The following CCDC180 variants were observed in gnomAD, a reference collection of about 807,000 sequenced individuals.
CCDC180 encodes the protein coiled-coil domain containing 180.
CCDC180 carries 154 observed loss-of-function variants against 209.2 expected under a neutral mutation model. The ratio of observed to expected loss-of-function variants is 0.74; its 90% CI spans 0.65 to 0.84. The LOEUF (loss-of-function observed/expected upper bound fraction) is 0.84. CCDC180 is among the 40% of genes least tolerant of loss of function. CCDC180 has a pLI of 0.00. For missense variants in CCDC180, 1,874 were observed against 1,997.3 expected (o/e 0.94, Z 1.18); for synonymous variants, 778 against 749.1 (o/e 1.04, Z -0.63).
In CCDC180 at chr9:97,371,687, T is replaced by A. The variant is rs777944016; in HGVS notation, c.4581T>A (p.Ile1527=). The part of the protein sequence containing the change: ...FLLQLDEVVT[I]DDVQVARMEP... ...TGCAGTTGGATGAGGTGGTCACCATTGACGATGTCCAGGTTGCAAGTAAGA... is the reference window on the plus strand; with the variant it reads ...TGCAGTTGGATGAGGTGGTCACCATAGACGATGTCCAGGTTGCAAGTAAGA... The change falls in exon 34 of 37, where the codon ATT becomes ATA. Residue 1527 remains isoleucine, a synonymous_variant. Coordinates refer to ENST00000529487, the MANE Select transcript of CCDC180 (RefSeq NM_020893.6). 4.4e-6 allele frequency: 7 copies of A among 1,599,444 alleles called. No individual in the cohort carries two copies. The Admixed American group carries it at 1.2e-4, about 27-fold the overall frequency.
chr9:97,320,258 G>T, intron 11 of CCDC180, 53 bp downstream of exon 11: 1 of 1,525,040 alleles, frequency 6.6e-7, no homozygotes, highest in South Asian at 1.1e-5. Context: ...TGTTTAAGCA[G>T]TTGCTTTGCT....
intron 28 of CCDC180, among the ~76,000 whole-genome samples, chr9:97,362,946 G>C (rs138336856): frequency 6.6e-6 from 1 of 152,194 alleles, no homozygotes; most frequent in Non-Finnish European, 1.5e-5. Context: ...TTGAGCATGC[G>C]TGCTGTGTGC....
At chr9:97,316,997 A>G (rs1833194419) in intron 8 of CCDC180, 68 bp from the exon 9 acceptor site, 3 of 1,454,936 alleles carry the variant, frequency 2.1e-6, no homozygotes, top group African/African-American at 2.8e-5. Flanking sequence ...GCTCCTCTCT[A>G]ACTGAGCCTT....
In CCDC180 at chr9:97,360,006, A is replaced by C. The variant is rs2117859279; in HGVS notation, c.3388A>C (p.Ser1130Arg). ...KTTVTTEELL[S>R]FVQTWKEKLS... Reference sequence around the variant, plus strand: ...GACAGTGACCACAGAAGAACTCCTCAGCTTCGTCCAAACTTGGAAGGAAAA... The same window carrying C: ...GACAGTGACCACAGAAGAACTCCTCCGCTTCGTCCAAACTTGGAAGGAAAA... Residue 1130 changes from serine (S) to arginine (R), a missense_variant, in exon 26 of 37, where the codon AGC becomes CGC. Physicochemically the swap from Ser to Arg is moderately radical, Grantham distance 110. Transcript: ENST00000529487. 6.2e-7 allele frequency: 1 copy of C among 1,613,990 alleles called. No individual in the cohort carries two copies. Among genetic ancestry groups the C allele is most frequent in the Non-Finnish European group, 8.5e-7 (1 of 1,179,930 alleles).
intron 25 of CCDC180, among the ~76,000 whole-genome samples, chr9:97,359,378 C>T (rs1204217980): frequency 1.3e-5 from 2 of 152,160 alleles, no homozygotes; most frequent in African/African-American, 2.4e-5. Flanking sequence ...CATGGGTGTG[C>T]GGGCATTCCT....
At chr9:97,335,998 AT>A (rs1221226787) in intron 18 of CCDC180, among the ~76,000 whole-genome samples, 4 of 152,156 alleles carry the variant, frequency 2.6e-5, no homozygotes, top group African/African-American at 9.7e-5. Context: ...GTCTGTTCAT[AT>A]CCTTTGCCCA....
At chr9:97,319,276 A>G (rs1033489445) in intron 10 of CCDC180, among the ~76,000 whole-genome samples, 4 of 152,240 alleles carry the variant, frequency 2.6e-5, no homozygotes, top group Non-Finnish European at 2.9e-5. Context: ...CACATCCTGC[A>G]CATGTACCCT....
In CCDC180 at chr9:97,366,373, C is replaced by T. The variant is rs139193987; in HGVS notation, c.4048-186C>T. Among the ~76,000 whole-genome samples the T allele has an allele frequency of 5.0e-3, 759 of 152,294 alleles. 4 individuals are homozygous for T. The highest frequency in any genetic ancestry group is 0.017 in the African/African-American group (719 of 41,556). ...GGGCTGGCCATGGCTCCACTCACTC[C>T]AGGTGGGCCCAGGGAGGCGACACGG... On this transcript the variant is annotated intron_variant, in intron 30 of 36. Transcript: ENST00000529487. This position sits in a 1 kb window ranked among gnomAD's most constrained non-coding sequence, Gnocchi z 4.3.
chr9:97,333,980 C>T (rs532884993), intron 18 of CCDC180, among the ~76,000 whole-genome samples: 1 of 151,746 alleles, frequency 6.6e-6, no homozygotes, highest in African/African-American at 2.4e-5. Context: ...ACTACCACAC[C>T]CGGCTAATTT....
At chr9:97,307,615 C>T, upstream of CCDC180, 1 of 902,602 alleles carries the variant, frequency 1.1e-6, no homozygotes, top group East Asian at 2.4e-5. Context: ...GTCCCGGATG[C>T]GAATTCTGCG....
intron 35 of CCDC180, among the ~76,000 whole-genome samples, 192 bp from the exon 36 acceptor site, chr9:97,375,262 C>T (rs1339938542): frequency 6.6e-6 from 1 of 152,160 alleles, no homozygotes; most frequent in Non-Finnish European, 1.5e-5. Flanking sequence ...AGCAATGAGA[C>T]CAGTGGGGGC....
chr9:97,332,406 A>C (rs1447770232), intron 18 of CCDC180, among the ~76,000 whole-genome samples: 2 of 152,156 alleles, frequency 1.3e-5, no homozygotes, highest in African/African-American at 4.8e-5. Flanking sequence ...TTCTGTGAAG[A>C]ATGTCATTAG....
chr9:97,323,182 C>T (rs1467866711), intron 12 of CCDC180, among the ~76,000 whole-genome samples: 1 of 152,162 alleles, frequency 6.6e-6, no homozygotes, highest in Non-Finnish European at 1.5e-5. Flanking sequence ...CTATCCCTGC[C>T]ATCTCTCAGG....
rs1463174568 is a variant in CCDC180 at position 97,314,700 on chromosome 9, A to T, written c.671A>T (p.His224Leu). ...ATTAAGGAGCTGGATGAGGCCCTGC[A>T]CTCGCTGGAGTTCTCCCGAACCGAT... The part of the protein sequence containing the change: ...QEIKELDEAL[H>L]SLEFSRTDKL... Residue 224 changes from histidine (H) to leucine (L), a missense_variant, in exon 7 of 37, where the codon CAC (histidine) becomes CTC (leucine). Coordinates refer to ENST00000529487, the MANE Select transcript of CCDC180 (RefSeq NM_020893.6). 1 of 1,613,948 alleles carries T rather than the reference A, an allele frequency of 6.2e-7. No individual in the cohort carries two copies. The highest frequency in any genetic ancestry group is 1.7e-5 in the Admixed American group (1 of 60,004).
At chr9:97,333,503 G>GT (rs373215367) in intron 18 of CCDC180, among the ~76,000 whole-genome samples, 1,268 of 72,786 alleles carry the variant, frequency 0.017, 52 homozygotes, top group Non-Finnish European at 0.021. Flanking sequence ...CTGGGTTTGG[G>GT]TTTTTTTTTT....
intron 29 of CCDC180, 35 bp from the exon 30 acceptor site, chr9:97,365,638 A>G: frequency 6.3e-7 from 1 of 1,593,026 alleles, no homozygotes. Context: ...TGTCTAGACC[A>G]GGCCCCTCAG....
chr9:97,329,122 A>G (rs1195592199), intron 16 of CCDC180, among the ~76,000 whole-genome samples: 1 of 152,170 alleles, frequency 6.6e-6, no homozygotes, highest in East Asian at 1.9e-4. Flanking sequence ...CTCCTCCCAG[A>G]AGAGATTCCT....
At chr9:97,351,913 G>C (rs1826431579) in intron 22 of CCDC180, among the ~76,000 whole-genome samples, 1 of 152,184 alleles carries the variant, frequency 6.6e-6, no homozygotes, top group South Asian at 2.1e-4. Context: ...AGGAGTTCGA[G>C]AGTAGCCTTG....
intron 25 of CCDC180, 133 bp from the exon 26 acceptor site, chr9:97,359,849 G>T: frequency 2.5e-6 from 3 of 1,178,506 alleles, no homozygotes; most frequent in Non-Finnish European, 2.4e-6. Context: ...GGCCTTCCCT[G>T]CATGTGAGGA....
Sources: gnomAD v4.1 joint callset for allele counts (sites outside exome capture counted in the v4.1 genomes callset) on GRCh38, gnomAD v4.1.1 for gene constraint, Gnocchi (gnomAD v3.1) non-coding constraint, MANE v1.5 for transcripts, NCBI Gene and HGNC (gene_info 2026-07-23, HGNC 2026-07-21) for gene names.